RAD51B: variants seen among roughly 807,000 people sequenced by gnomAD.
RAD51B encodes the protein RAD51 paralog B.
RAD51B carries 38 observed loss-of-function variants against 42.2 expected under a neutral mutation model. The ratio of observed to expected loss-of-function variants is 0.90; its 90% CI spans 0.70 to 1.18. RAD51B has a LOEUF of 1.18. RAD51B is among the 50% of genes most tolerant of loss of function. The pLI, the probability that RAD51B is intolerant of heterozygous loss-of-function variation, is 0.00. For synonymous variants in RAD51B, 154 were observed against 145.2 expected, an observed-to-expected ratio of 1.06 and a Z score of -0.43; for missense variants, 373 against 400.7, an observed-to-expected ratio of 0.93 and a Z score of 0.59.
chr14:68,312,507 C>T (rs773923596), intron 8 of RAD51B, among the ~76,000 whole-genome samples: 4 of 152,170 alleles, frequency 2.6e-5, no homozygotes, highest in Non-Finnish European at 5.9e-5. Flanking sequence ...GCAGCTGGGT[C>T]AACAGGTATA....
chr14:67,996,298 A>C (rs2075382084), intron 7 of RAD51B, among the ~76,000 whole-genome samples: 1 of 151,860 alleles, frequency 6.6e-6, no homozygotes, highest in South Asian at 2.1e-4. Context: ...TGGGAGCCCG[A>C]GGCAGGAAGA....
rs919775270 is a variant in RAD51B at position 68,307,168 on chromosome 14, A to G, written c.853+15188A>G. 1.3e-5 allele frequency among the ~76,000 whole-genome samples: 2 copies of G among 152,208 alleles called. 1 individual carries two copies. The highest frequency in any genetic ancestry group is 6.8e-3 in the Middle Eastern group (2 of 294). On this transcript the variant is annotated intron_variant, in intron 8 of 10. Coordinates refer to ENST00000471583, the MANE Select transcript of RAD51B (RefSeq NM_133510.4). ...TATTGTAGCCTGAAACACAAACACC[A>G]AGCCCCTAGGCCCTGATCCACACAC...
In RAD51B at chr14:68,674,793, G is replaced by A. The variant is rs540422972; in HGVS notation, c.*11+23937G>A. Among the ~76,000 whole-genome samples, 13 of 152,194 alleles carry A rather than the reference G, an allele frequency of 8.5e-5. No homozygotes were observed. The East Asian group carries it at 1.5e-3, about 18-fold the overall frequency. On this transcript the variant is annotated intron_variant, in intron 11 of 11. Transcript: ENST00000488612. Reference sequence around the variant, plus strand: ...TAGACCAGGGGTATCACCAATGAGCGTCTTAAACCACTGTTCCCTCTTTCC... The same window carrying A: ...TAGACCAGGGGTATCACCAATGAGCATCTTAAACCACTGTTCCCTCTTTCC...
At chr14:68,532,335 C>T (rs1887362843) in intron 10 of RAD51B, among the ~76,000 whole-genome samples, 1 of 151,902 alleles carries the variant, frequency 6.6e-6, no homozygotes, top group Admixed American at 6.5e-5. Flanking sequence ...AAAACCCTAG[C>T]AGGGCTGCTC....
chr14:67,835,922 T>A (rs2041227579), intron 4 of RAD51B, among the ~76,000 whole-genome samples: 1 of 152,002 alleles, frequency 6.6e-6, no homozygotes, highest in Admixed American at 6.6e-5. Flanking sequence ...TAAAAAAGGA[T>A]CACTCCTTAT....
chr14:68,369,483 T>C (rs1422124368), intron 8 of RAD51B, among the ~76,000 whole-genome samples: 4 of 152,236 alleles, frequency 2.6e-5, no homozygotes, highest in South Asian at 4.1e-4. Flanking sequence ...CCTGGTCTCA[T>C]ACCATGGTTT....
intron 10 of RAD51B, among the ~76,000 whole-genome samples, chr14:68,535,308 T>C (rs1887551316): frequency 6.6e-6 from 1 of 152,212 alleles, no homozygotes; most frequent in African/African-American, 2.4e-5. Context: ...TAATGTCCTA[T>C]ACTCTTGTTC....
At chr14:67,865,206 C>A in intron 5 of RAD51B, 67 bp downstream of exon 5, 2 of 1,341,916 alleles carry the variant, frequency 1.5e-6, no homozygotes, top group Non-Finnish European at 2.0e-6. Context: ...GAAACATTTA[C>A]ACATAGGTTA....
At chr14:68,594,409 T>C in intron 10 of RAD51B, 1 of 1,310,820 alleles carries the variant, frequency 7.6e-7, no homozygotes, top group South Asian at 1.2e-5. Flanking sequence ...AACCATCCTC[T>C]TCAGGAAGCC....
At chr14:68,302,775 A>C (rs1369215494) in intron 8 of RAD51B, among the ~76,000 whole-genome samples, 2 of 152,250 alleles carry the variant, frequency 1.3e-5, no homozygotes, top group Non-Finnish European at 2.9e-5. Flanking sequence ...GGGCTAGTTA[A>C]CTGCAGCAGG....
At chr14:68,499,434 G>A (rs1162816934) in intron 10 of RAD51B, among the ~76,000 whole-genome samples, 6 of 152,162 alleles carry the variant, frequency 3.9e-5, no homozygotes, top group East Asian at 1.9e-4. Context: ...ACCCACCCCA[G>A]GTGAGAGGTC....
At chr14:68,183,758 C>T (rs967440192) in intron 7 of RAD51B, among the ~76,000 whole-genome samples, 7 of 151,828 alleles carry the variant, frequency 4.6e-5, no homozygotes, top group Non-Finnish European at 1.0e-4. Context: ...GACCAGCCTG[C>T]GCAATATAGT....
intron 9 of RAD51B, among the ~76,000 whole-genome samples, chr14:68,417,155 C>T (rs2084581632): frequency 6.6e-6 from 1 of 152,032 alleles, no homozygotes; most frequent in South Asian, 2.1e-4. Context: ...GGCTTAGTTG[C>T]CCTAACTCAA....
chr14:68,288,300 A>G (rs1456910271), intron 7 of RAD51B, among the ~76,000 whole-genome samples: 3 of 152,234 alleles, frequency 2.0e-5, no homozygotes, highest in East Asian at 3.8e-4. Context: ...ACAGATTTAG[A>G]AAACCACAAC....
chr14:68,261,567 A>T (rs554756689), intron 7 of RAD51B, among the ~76,000 whole-genome samples: 1 of 152,296 alleles, frequency 6.6e-6, no homozygotes, highest in South Asian at 2.1e-4. Flanking sequence ...TATGCTATTC[A>T]TATTACTATA....
chr14:67,948,113 T>C lies in RAD51B; in HGVS notation c.756+60909T>C, dbSNP rs185155053. ...AAGTACGAAATTGAATATATAGTTA[T>C]ATGTTAGTGTTCCTATTGCATACTA... is the stretch of plus-strand genomic sequence containing the variant. On this transcript the variant is annotated intron_variant, in intron 7 of 10. Transcript: ENST00000471583. 9.0e-4 allele frequency among the ~76,000 whole-genome samples: 137 copies of C among 152,352 alleles called. 1 individual carries two copies. The highest frequency in any genetic ancestry group is 3.2e-3 in the African/African-American group (134 of 41,590).
intron 8 of RAD51B, among the ~76,000 whole-genome samples, chr14:68,347,705 T>G (rs1437650010): frequency 2.0e-5 from 3 of 152,196 alleles, no homozygotes; most frequent in African/African-American, 7.2e-5. Context: ...AACAGGCCCG[T>G]GAACAGCATC....
At chr14:67,968,313 T>C (rs571393526) in intron 7 of RAD51B, among the ~76,000 whole-genome samples, 2 of 152,364 alleles carry the variant, frequency 1.3e-5, no homozygotes, top group South Asian at 4.1e-4. Flanking sequence ...TCTTGGGGAT[T>C]AGCATTCAGC....
intron 7 of RAD51B, among the ~76,000 whole-genome samples, chr14:67,927,797 T>TA (rs1379021124): frequency 0.024 from 3,592 of 151,460 alleles, 192 homozygotes; most frequent in African/African-American, 0.083. Flanking sequence ...TGTGTGTGTC[T>TA]TTTATGGTTC....
Sources: gnomAD v4.1 joint callset for allele counts (sites outside exome capture counted in the v4.1 genomes callset) on GRCh38, gnomAD v4.1.1 for gene constraint, MANE v1.5 for transcripts, NCBI Gene and HGNC (gene_info 2026-07-23, HGNC 2026-07-21) for gene names.